The following RYR3 variants were observed in gnomAD, a reference collection of about 807,000 sequenced individuals.
RYR3 encodes brain ryanodine receptor-calcium release channel.
RYR3 carries 207 observed loss-of-function variants against 584.3 expected under a neutral mutation model. The observed-to-expected ratio is 0.35, with a 90% CI of 0.32 to 0.40. The LOEUF (loss-of-function observed/expected upper bound fraction) is 0.40, where lower values mean the gene tolerates loss of function less well. Ranked by LOEUF, RYR3 falls within the 10% of genes least tolerant of loss-of-function variation. The pLI is 1.00. For missense variants in RYR3, 5,616 were observed against 6,089.2 expected, an observed-to-expected ratio of 0.92 and a Z score of 2.59; for synonymous variants, 2,416 against 2,248.5, an observed-to-expected ratio of 1.07 and a Z score of -2.11.
chr15:33,590,115 G>C (rs772122677), intron 16 of RYR3, among the ~76,000 whole-genome samples: 1 of 152,174 alleles, frequency 6.6e-6, no homozygotes, highest in Non-Finnish European at 1.5e-5. Flanking sequence ...GGTGCTCCGT[G>C]GGGGAGCTTC....
At chr15:33,477,877 GAA>G (rs58200056) in intron 2 of RYR3, among the ~76,000 whole-genome samples, 4 of 62,616 alleles carry the variant, frequency 6.4e-5, no homozygotes, top group African/African-American at 3.0e-4. Context: ...TCTGTCTCAA[GAA>G]AAAAAAAAAA....
intron 1 of RYR3, among the ~76,000 whole-genome samples, chr15:33,368,725 C>T (rs28719802): frequency 0.012 from 1,902 of 152,206 alleles, 52 homozygotes; most frequent in African/African-American, 0.043. Flanking sequence ...AGAACCTCCT[C>T]GCCTGCAGTC....
chr15:33,379,679 C>CTA (rs1259141315), intron 1 of RYR3, among the ~76,000 whole-genome samples: 1 of 119,248 alleles, frequency 8.4e-6, no homozygotes, highest in Non-Finnish European at 1.7e-5. Context: ...CTCTCTCTCT[C>CTA]TCTCTCTCTA....
chr15:33,336,858 G>A (rs572563042), intron 1 of RYR3, among the ~76,000 whole-genome samples: 22 of 150,862 alleles, frequency 1.5e-4, no homozygotes, highest in Admixed American at 3.3e-4. Flanking sequence ...GATCGAGACC[G>A]TCCTGGCTAA....
intron 93 of RYR3, chr15:33,847,376 GA>G (rs1175606268): frequency 1.2e-4 from 18 of 152,222 alleles, no homozygotes; most frequent in Non-Finnish European, 2.2e-4. Context: ...TGGGTTTGGA[GA>G]CAAAGGTCTC....
intron 98 of RYR3, 49 bp from the exon 99 acceptor site, chr15:33,857,731 G>T (rs2079843274): frequency 6.2e-7 from 1 of 1,609,766 alleles, no homozygotes; most frequent in East Asian, 2.2e-5. Context: ...AACCTTTCAA[G>T]GTAGAGAAGA....
chr15:33,843,626 C>G, intron 92 of RYR3, 52 bp downstream of exon 92: 1 of 1,123,104 alleles, frequency 8.9e-7, no homozygotes, highest in Non-Finnish European at 1.3e-6. Flanking sequence ...ACTAAGTATG[C>G]TATGTGTAGA....
intron 100 of RYR3, among the ~76,000 whole-genome samples, chr15:33,860,192 A>G (rs1192712234): frequency 6.6e-6 from 1 of 152,182 alleles, no homozygotes; most frequent in Non-Finnish European, 1.5e-5. Context: ...AGGAACCTGT[A>G]AGACATGCAG....
At chr15:33,728,211 A>G (rs1020890667) in intron 46 of RYR3, among the ~76,000 whole-genome samples, 11 of 152,162 alleles carry the variant, frequency 7.2e-5, no homozygotes, top group African/African-American at 2.7e-4. Context: ...CTTTCTCACC[A>G]TGGCCAATTT....
In RYR3 at chr15:33,785,870, A is replaced by C. The variant is rs765087383; in HGVS notation, c.9477A>C (p.Pro3159=). The part of the protein sequence containing the change: ...GPENLPPSTG[P]CCTKVTSEHL... ...AGAACCTGCCCCCCAGCACAGGGCC[A>C]TGCTGCACCAAGGTCACCTCTGAAC... The change falls in exon 66 of 104, where the codon CCA becomes CCC. Residue 3159 remains proline (P), a synonymous_variant. Coordinates refer to ENST00000634891, the MANE Select transcript of RYR3 (RefSeq NM_001036.6). 3 of 1,613,870 alleles carry C rather than the reference A, an allele frequency of 1.9e-6. No homozygotes were observed. In the Admixed American group the frequency reaches 5.0e-5, roughly 27 times the overall value.
chr15:33,418,401 T>C (rs1473309291), intron 1 of RYR3, among the ~76,000 whole-genome samples: 1 of 151,986 alleles, frequency 6.6e-6, no homozygotes, highest in Non-Finnish European at 1.5e-5. Flanking sequence ...AACTGGACTT[T>C]AAACGAGAGT....
chr15:33,825,709 T>C (rs766685475), intron 82 of RYR3, 33 bp downstream of exon 82: 2 of 1,184,816 alleles, frequency 1.7e-6, no homozygotes, highest in Non-Finnish European at 2.4e-6. Flanking sequence ...GGCCATTCTC[T>C]TCCTGATTAA....
At chr15:33,686,373 C>A (rs1038087626) in intron 38 of RYR3, among the ~76,000 whole-genome samples, 9 of 152,142 alleles carry the variant, frequency 5.9e-5, no homozygotes, top group African/African-American at 2.2e-4. Flanking sequence ...CAAGACTACA[C>A]CAGGAGAAGT....
At chr15:33,528,584 C>G (rs969465249) in intron 3 of RYR3, among the ~76,000 whole-genome samples, 1 of 152,168 alleles carries the variant, frequency 6.6e-6, no homozygotes, top group Admixed American at 6.5e-5. Flanking sequence ...CATCAAACTT[C>G]AGAAAAGGAG....
intron 21 of RYR3, among the ~76,000 whole-genome samples, chr15:33,628,966 T>C (rs886988030): frequency 1.3e-5 from 2 of 152,188 alleles, no homozygotes; most frequent in Non-Finnish European, 2.9e-5. Context: ...AAATCATTTT[T>C]CAGAGAGAAT....
Position 33,652,713 on chromosome 15 carries a change from C to T in RYR3, c.4143-5C>T, listed in dbSNP as rs1256358349. On this transcript the variant is annotated splice_polypyrimidine_tract_variant and splice_region_variant and intron_variant, in intron 31 of 103. Transcript: ENST00000634891. ...TTCTGTGCCTTTTCCTGTCTTGGCTCCTAGTGTGAAACGCAGCAACTGCTA... is the reference window on the plus strand; with the variant it reads ...TTCTGTGCCTTTTCCTGTCTTGGCTTCTAGTGTGAAACGCAGCAACTGCTA... The T allele has an allele frequency of 6.2e-7, 1 of 1,612,668 alleles. No homozygotes were observed. Among genetic ancestry groups the T allele is most frequent in the African/African-American group, 1.3e-5 (1 of 75,008 alleles).
chr15:33,530,474 T>C, intron 3 of RYR3, 118 bp from the exon 4 acceptor site: 2 of 712,398 alleles, frequency 2.8e-6, no homozygotes, highest in South Asian at 1.7e-5. Context: ...ATGAATTCCT[T>C]AGGAGCTTTG....
intron 1 of RYR3, among the ~76,000 whole-genome samples, chr15:33,331,833 G>C (rs990699859): frequency 6.6e-6 from 1 of 151,974 alleles, no homozygotes; most frequent in African/African-American, 2.4e-5. Flanking sequence ...ATATGTGTAA[G>C]TTGTGGGGTT....
intron 51 of RYR3, 43 bp from the exon 52 acceptor site, chr15:33,742,323 G>A (rs199944284): frequency 8.0e-7 from 1 of 1,247,250 alleles, no homozygotes; most frequent in East Asian, 2.3e-5. Flanking sequence ...ATGTCTGGCT[G>A]AAGTGCTTGG....
Sources: allele counts gnomAD v4.1 joint callset (sites outside exome capture counted in the v4.1 genomes callset), GRCh38; gene constraint gnomAD v4.1.1; transcripts MANE v1.5; gene names NCBI Gene and HGNC (gene_info 2026-07-23, HGNC 2026-07-21).